The following GNG7 variants were observed in gnomAD, a reference collection of about 807,000 sequenced individuals.
GNG7 encodes the protein G protein subunit gamma 7.
Under a neutral mutation model 4.0 loss-of-function variants are expected in GNG7, and 1 was observed. The observed-to-expected ratio is 0.25, with a 90% CI of 0.09 to 1.18. The LOEUF is 1.18. GNG7 is among the 50% of genes most tolerant of loss of function. GNG7 has a pLI of 0.50. For synonymous variants in GNG7, 34 were observed against 36.9 expected, an observed-to-expected ratio of 0.92 and a Z score of 0.29; for missense variants, 86 against 91.9, an observed-to-expected ratio of 0.94 and a Z score of 0.26.
chr19:2,673,128 G>A (rs1417744129), intron 1 of GNG7, among the ~76,000 whole-genome samples: 1 of 151,764 alleles, frequency 6.6e-6, no homozygotes, highest in African/African-American at 2.4e-5. Flanking sequence ...GTGGCAGCGG[G>A]CGCCTGTAGT....
rs755604417 is a variant in GNG7 at position 2,515,170 on chromosome 19, G to C, written c.82-23C>G. On this transcript the variant is annotated intron_variant, in intron 4 of 4. Coordinates refer to ENST00000382159, the MANE Select transcript of GNG7 (RefSeq NM_052847.3). ...GACCTGTGTTTGAGCACAAGGAGGA[G>C]ACAGAGGAGACATAAGAAGAGGCTG... is the stretch of plus-strand genomic sequence containing the variant. 10 of 1,612,818 alleles carry C rather than the reference G, an allele frequency of 6.2e-6. No individual in the cohort carries two copies. In the South Asian group the frequency reaches 1.1e-4, roughly 18 times the overall value.
chr19:2,665,768 T>C (rs1983294889), intron 1 of GNG7, among the ~76,000 whole-genome samples: 1 of 152,228 alleles, frequency 6.6e-6, no homozygotes, highest in South Asian at 2.1e-4. Flanking sequence ...TAAATGAGTA[T>C]CTATAAAATG....
At chr19:2,696,215 A>AAGAGAGGAG (rs1032126328) in intron 1 of GNG7, among the ~76,000 whole-genome samples, 1 of 144,000 alleles carries the variant, frequency 6.9e-6, no homozygotes, top group Non-Finnish European at 1.5e-5. Flanking sequence ...GGAGAGAGGG[A>AAGAGAGGAG]AGAGAGGAGA....
rs557153929 is a variant in GNG7 at position 2,563,773 on chromosome 19, C to T, written c.-77-8585G>A. 3.9e-5 allele frequency among the ~76,000 whole-genome samples: 6 copies of T among 152,226 alleles called. No homozygotes were observed. In the South Asian group the frequency reaches 6.2e-4, roughly 16 times the overall value. On this transcript the variant is annotated intron_variant, in intron 2 of 4. Coordinates refer to ENST00000382159, the MANE Select transcript of GNG7 (RefSeq NM_052847.3). ...CTGGGATAATAGGCATGAGCCACCG[C>T]GCCCGGCCCAGGTCACACCTTTGAA... is the stretch of plus-strand genomic sequence containing the variant.
intron 1 of GNG7, among the ~76,000 whole-genome samples, chr19:2,648,772 G>A (rs1035355218): frequency 6.6e-6 from 1 of 152,194 alleles, no homozygotes; most frequent in African/African-American, 2.4e-5. Flanking sequence ...AGTGATGAAA[G>A]GGCTGGAGCG....
At chr19:2,659,281 A>T (rs1983080750) in intron 1 of GNG7, among the ~76,000 whole-genome samples, 2 of 146,068 alleles carry the variant, frequency 1.4e-5, no homozygotes, top group African/African-American at 2.5e-5. Flanking sequence ...GATTTTTTTT[A>T]AATAAAGGAG....
At chr19:2,559,646 C>T (rs1019864262) in intron 2 of GNG7, among the ~76,000 whole-genome samples, 13 of 152,144 alleles carry the variant, frequency 8.5e-5, no homozygotes, top group African/African-American at 2.7e-4. Flanking sequence ...TCCCGAGTAG[C>T]TGGGATTACA....
intron 3 of GNG7, among the ~76,000 whole-genome samples, chr19:2,524,405 G>A (rs1388236084): frequency 6.6e-6 from 1 of 152,270 alleles, no homozygotes; most frequent in Non-Finnish European, 1.5e-5. Context: ...TACACGTGGT[G>A]TGCATGTCAG....
At chr19:2,638,728 T>C (rs984064204) in intron 2 of GNG7, among the ~76,000 whole-genome samples, 1 of 124,550 alleles carries the variant, frequency 8.0e-6, no homozygotes, top group Non-Finnish European at 1.7e-5. Flanking sequence ...CCTAGACATC[T>C]CCCAGCATCC....
chr19:2,579,691 G>A (rs1391905453), intron 2 of GNG7, among the ~76,000 whole-genome samples: 1 of 152,216 alleles, frequency 6.6e-6, no homozygotes. Flanking sequence ...AATGCGGGGA[G>A]CAGGGGACGC....
intron 1 of GNG7, among the ~76,000 whole-genome samples, chr19:2,670,516 C>T (rs1036087404): frequency 2.0e-5 from 3 of 152,244 alleles, no homozygotes; most frequent in African/African-American, 4.8e-5. Context: ...ACGGCCACTG[C>T]GTCCCATGTG....
Position 2,514,484 on chromosome 19 carries a change from G to A in GNG7, c.*538C>T, listed in dbSNP as rs1972699380. ...ATGGAGTAACAATTTTTTAAATAAAGAGATATTTCCAAAAAACTTCATGAT... is the reference window on the plus strand; with the variant it reads ...ATGGAGTAACAATTTTTTAAATAAAAAGATATTTCCAAAAAACTTCATGAT... On this transcript the variant is annotated 3_prime_UTR_variant, in exon 5 of 5. Transcript: ENST00000382159. The A allele has an allele frequency of 6.5e-6, 1 of 153,356 alleles. No homozygotes were observed. Among genetic ancestry groups the A allele is most frequent in the African/African-American group, 2.4e-5 (1 of 41,364 alleles). The allele number at this position is 153,356 out of a possible 1,614,324, so 9.5% of individuals were successfully genotyped here.
Position 2,564,826 on chromosome 19 carries a change from T to C in GNG7, c.-77-9638A>G, listed in dbSNP as rs1979851571. On this transcript the variant is annotated intron_variant, in intron 2 of 4. Coordinates refer to ENST00000382159, the MANE Select transcript of GNG7 (RefSeq NM_052847.3). ...GAGACTGTCACAAAATGTCTGTTATTTAAAGCCCCGCAATCTGTAATAATT... is the reference window on the plus strand; with the variant it reads ...GAGACTGTCACAAAATGTCTGTTATCTAAAGCCCCGCAATCTGTAATAATT... 2.6e-5 allele frequency among the ~76,000 whole-genome samples: 4 copies of C among 151,936 alleles called. No homozygotes were observed. The South Asian group carries it at 8.3e-4, about 32-fold the overall frequency.
Position 2,653,751 on chromosome 19 carries a change from C to G in GNG7, c.-134-7471G>C, listed in dbSNP as rs1259598238. Among the ~76,000 whole-genome samples the G allele has an allele frequency of 6.6e-6, 1 of 152,192 alleles. No individual in the cohort carries two copies. The highest frequency in any genetic ancestry group is 2.4e-5 in the African/African-American group (1 of 41,460). ...TCTGCCCTCTGGCCTCCCCTGTCCT[C>G]ATCCTTATGGGATCTTCAGATGGTG... is the stretch of plus-strand genomic sequence containing the variant. On this transcript the variant is annotated intron_variant, in intron 1 of 4. Transcript: ENST00000382159. This position sits in a 1 kb window ranked among gnomAD's most constrained non-coding sequence, Gnocchi z 4.8.
At chr19:2,518,105 ACCC>A (rs35621178) in intron 4 of GNG7, among the ~76,000 whole-genome samples, 2 of 151,742 alleles carry the variant, frequency 1.3e-5, no homozygotes, top group Non-Finnish European at 2.9e-5. Flanking sequence ...CCTTGGCACC[ACCC>A]CCCATGCCCA....
At chr19:2,629,653 C>T (rs61059449) in intron 2 of GNG7, among the ~76,000 whole-genome samples, 10,822 of 152,212 alleles carry the variant, frequency 0.071, 446 homozygotes, top group African/African-American at 0.12. Flanking sequence ...TAGCCCTGAA[C>T]GCAGTGTGGG....
intron 3 of GNG7, among the ~76,000 whole-genome samples, chr19:2,521,863 C>T (rs1978310735): frequency 6.6e-6 from 1 of 152,140 alleles, no homozygotes; most frequent in Admixed American, 6.6e-5. Context: ...ATCCACCCTC[C>T]TCGGCCTCTC....
intron 2 of GNG7, among the ~76,000 whole-genome samples, chr19:2,613,618 G>A (rs1393047641): frequency 1.3e-5 from 2 of 152,042 alleles, no homozygotes; most frequent in Non-Finnish European, 2.9e-5. Context: ...GGGAATCTGT[G>A]GATTCCCCTA....
chr19:2,687,642 G>A (rs943475216), intron 1 of GNG7, among the ~76,000 whole-genome samples: 5 of 151,866 alleles, frequency 3.3e-5, no homozygotes, highest in Non-Finnish European at 7.4e-5. Flanking sequence ...AAAAAAAAGT[G>A]CTGGCATGAC....
Sources: allele counts gnomAD v4.1 joint callset (sites outside exome capture counted in the v4.1 genomes callset), GRCh38; gene constraint gnomAD v4.1.1; non-coding constraint Gnocchi (gnomAD v3.1); transcripts MANE v1.5; gene names NCBI Gene and HGNC (gene_info 2026-07-23, HGNC 2026-07-21).